Variants in PBX1 observed in about 807,000 individuals in gnomAD.
PBX1 encodes the protein pre-B-cell leukemia transcription factor 1.
PBX1 carries 6 observed loss-of-function variants against 53.4 expected under a neutral mutation model. The ratio of observed to expected loss-of-function variants is 0.11; its 90% CI spans 0.06 to 0.22. The LOEUF (loss-of-function observed/expected upper bound fraction) is 0.22, where lower values mean the gene tolerates loss of function less well. Ranked by LOEUF, PBX1 falls within the 10% of genes least tolerant of loss-of-function variation. The pLI, the probability that PBX1 is intolerant of heterozygous loss-of-function variation, is 1.00. For missense variants in PBX1, 251 were observed against 551.4 expected, an observed-to-expected ratio of 0.46 and a Z score of 5.46; for synonymous variants, 204 against 212.3, an observed-to-expected ratio of 0.96 and a Z score of 0.34.
At chr1:164,623,332 C>T (rs1657817764) in intron 2 of PBX1, among the ~76,000 whole-genome samples, 1 of 152,186 alleles carries the variant, frequency 6.6e-6, no homozygotes, top group Non-Finnish European at 1.5e-5. Flanking sequence ...CTTCTGTAGC[C>T]ACTGCTGGAG....
At chr1:164,574,621 G>A (rs1006161371) in intron 2 of PBX1, among the ~76,000 whole-genome samples, 3 of 152,124 alleles carry the variant, frequency 2.0e-5, no homozygotes, top group South Asian at 2.1e-4. Context: ...TGGTGTTAAC[G>A]TTACCCTCCA....
intron 2 of PBX1, among the ~76,000 whole-genome samples, chr1:164,719,896 T>G (rs1557964654): frequency 6.6e-6 from 1 of 152,148 alleles, no homozygotes; most frequent in African/African-American, 2.4e-5. Context: ...GCAAACTCAC[T>G]CTTCCCATTT....
At position 164,697,836 on chromosome 1, in the gene PBX1, A is replaced by G. The variant is rs185281695; in HGVS notation, c.266-94658A>G. Among the ~76,000 whole-genome samples the G allele has an allele frequency of 7.9e-5, 12 of 152,340 alleles. 1 individual carries two copies. The East Asian group carries it at 2.3e-3, about 29-fold the overall frequency. On this transcript the variant is annotated intron_variant, in intron 2 of 8. Transcript: ENST00000420696. Reference sequence around the variant, plus strand: ...CCGACCAAAGAAAAGTCATAAAAGCAGAAGTGTTCTTTGCCTCAGTGGTTT... The same window carrying G: ...CCGACCAAAGAAAAGTCATAAAAGCGGAAGTGTTCTTTGCCTCAGTGGTTT...
In PBX1 at chr1:164,618,304, G is replaced by C. The variant is rs370350186; in HGVS notation, c.265+54993G>C. On this transcript the variant is annotated intron_variant, in intron 2 of 8. Transcript: ENST00000420696. Reference sequence around the variant, plus strand: ...CAGGGAGAATAATCACGGCGGGGGGGGGGGGGCACTCAAGATGATCAGCAC... The same window carrying C: ...CAGGGAGAATAATCACGGCGGGGGGCGGGGGGCACTCAAGATGATCAGCAC... Among the ~76,000 whole-genome samples, 61 of 150,952 alleles carry C rather than the reference G, an allele frequency of 4.0e-4. 1 individual carries two copies. Among genetic ancestry groups the C allele is most frequent in the South Asian group, 1.1e-3 (5 of 4,694 alleles).
intron 2 of PBX1, among the ~76,000 whole-genome samples, chr1:164,745,864 C>CT (rs1665864220): frequency 6.6e-6 from 1 of 152,134 alleles, no homozygotes; most frequent in Non-Finnish European, 1.5e-5. Context: ...TGCTGAGTTC[C>CT]ATTCTCCAAA....
intron 2 of PBX1, among the ~76,000 whole-genome samples, chr1:164,733,835 T>A (rs375661988): frequency 1.4e-4 from 22 of 152,250 alleles, no homozygotes; most frequent in African/African-American, 5.1e-4. Flanking sequence ...ATTTTATATC[T>A]TATGCTAAAC....
intron 2 of PBX1, among the ~76,000 whole-genome samples, chr1:164,756,774 A>G (rs181836217): frequency 6.6e-6 from 1 of 152,376 alleles, no homozygotes. Flanking sequence ...ATGTGTAACT[A>G]TACATATTTA....
intron 2 of PBX1, among the ~76,000 whole-genome samples, chr1:164,882,920 T>C (rs1049920105): frequency 1.3e-5 from 2 of 152,226 alleles, no homozygotes; most frequent in African/African-American, 4.8e-5. Flanking sequence ...TTTCTTCATC[T>C]GCAGACAAGA....
chr1:164,591,197 A>T (rs1655351960), intron 2 of PBX1, among the ~76,000 whole-genome samples: 1 of 152,058 alleles, frequency 6.6e-6, no homozygotes, highest in Admixed American at 6.6e-5. Flanking sequence ...TTTTTCGTAG[A>T]GACGGGGTTT....
In PBX1 at chr1:164,865,870, T is replaced by A. The variant is rs536254343; in HGVS notation, n.258-33318T>A. 2.0e-5 allele frequency among the ~76,000 whole-genome samples: 3 copies of A among 152,162 alleles called. No homozygotes were observed. The East Asian group carries it at 5.8e-4, about 29-fold the overall frequency. ...GTGGAAATGGAGGCTCAGGAAATGATGGGGAAAGGGGTAATAGCAGACATC... is the reference window on the plus strand; with the variant it reads ...GTGGAAATGGAGGCTCAGGAAATGAAGGGGAAAGGGGTAATAGCAGACATC... On this transcript the variant is annotated intron_variant and non_coding_transcript_variant, in intron 2 of 2. Coordinates refer to the PBX1 transcript ENST00000558796.
chr1:164,741,728 A>C (rs998979940), intron 2 of PBX1, among the ~76,000 whole-genome samples: 10 of 119,474 alleles, frequency 8.4e-5, no homozygotes, highest in African/African-American at 3.1e-4. Context: ...TGGAGTGAGC[A>C]TGTATGAGTG....
intron 4 of PBX1, 80 bp downstream of exon 4, chr1:164,799,969 A>G (rs1668987053): frequency 1.5e-6 from 2 of 1,342,934 alleles, no homozygotes; most frequent in Admixed American, 2.0e-5. Context: ...TGCCCCCTTC[A>G]GGCTCTAGTT....
chr1:164,651,267 G>A (rs1659797381), intron 2 of PBX1, among the ~76,000 whole-genome samples: 1 of 152,110 alleles, frequency 6.6e-6, no homozygotes, highest in South Asian at 2.1e-4. Flanking sequence ...AGGGGAGGGG[G>A]TGGTGGAGGC....
intron 2 of PBX1, among the ~76,000 whole-genome samples, chr1:164,581,136 G>A (rs1004616537): frequency 2.0e-5 from 3 of 152,062 alleles, no homozygotes; most frequent in Non-Finnish European, 4.4e-5. Flanking sequence ...TGGTGCGGAT[G>A]GATGCTTCCA....
chr1:164,600,038 C>T (rs1044327889), intron 2 of PBX1, among the ~76,000 whole-genome samples: 19 of 152,104 alleles, frequency 1.2e-4, no homozygotes, highest in Non-Finnish European at 2.5e-4. Context: ...ATCTGAAGCA[C>T]CTGTCCTAAT....
chr1:164,834,029 ATGTG>A (rs35739146), intron 8 of PBX1, among the ~76,000 whole-genome samples: 1,307 of 128,254 alleles, frequency 0.01, 12 homozygotes, highest in African/African-American at 0.025. Context: ...ATATATGTAT[ATGTG>A]TGTGTGTGTG....
chr1:164,606,380 C>G (rs939920542), intron 2 of PBX1, among the ~76,000 whole-genome samples: 2 of 152,120 alleles, frequency 1.3e-5, no homozygotes, highest in African/African-American at 4.8e-5. Flanking sequence ...TTCCCAGCTC[C>G]TCAGGAGGCT....
At chr1:164,655,867 C>A (rs1660135672) in intron 2 of PBX1, among the ~76,000 whole-genome samples, 1 of 151,984 alleles carries the variant, frequency 6.6e-6, no homozygotes, top group East Asian at 1.9e-4. Flanking sequence ...GGTGTAAGGA[C>A]CTGATGAAGA....
chr1:164,779,595 G>T (rs1363852802), intron 2 of PBX1, among the ~76,000 whole-genome samples: 1 of 152,220 alleles, frequency 6.6e-6, no homozygotes, highest in African/African-American at 2.4e-5. Context: ...CCATATGTCT[G>T]TTACCCCAGA....
Sources: allele counts gnomAD v4.1 joint callset (sites outside exome capture counted in the v4.1 genomes callset), GRCh38; gene constraint gnomAD v4.1.1; transcripts MANE v1.5; gene names NCBI Gene and HGNC (gene_info 2026-07-23, HGNC 2026-07-21).